CSTPP1: variants seen among roughly 807,000 people sequenced by gnomAD.
CSTPP1 encodes centriolar satellite-associated tubulin polyglutamylase complex regulator 1, also known as UPF0705 protein C11orf49.
At chr11:47,131,562 G>A in the CSTPP1 span, among the ~76,000 whole-genome samples, 7 of 152,198 alleles carry the variant, frequency 4.6e-5, no homozygotes, top group Non-Finnish European at 8.8e-5. Context: ...ACCAACAGAA[G>A]AATATTTTGA....
At chr11:47,155,064 GCTCT>G in the CSTPP1 span, 91 of 914,314 alleles carry the variant, frequency 1.0e-4, no homozygotes, top group African/African-American at 1.3e-3. Flanking sequence ...CCCAGGAACA[GCTCT>G]CTCTCTCCCT....
the CSTPP1 span, among the ~76,000 whole-genome samples, chr11:47,014,367 GA>G: frequency 1.6e-4 from 18 of 112,210 alleles, no homozygotes; most frequent in South Asian, 3.5e-4. Context: ...AAGGAAGAAA[GA>G]AAAAAAGAAA....
the CSTPP1 span, among the ~76,000 whole-genome samples, chr11:47,036,047 ATATATATAT>A: frequency 3.3e-4 from 4 of 12,178 alleles, 2 homozygotes; most frequent in African/African-American, 2.5e-3. Context: ...ATATATATAT[ATATATATAT>A]TATATATATA....
the CSTPP1 span, chr11:47,137,805 C>G: frequency 5.7e-4 from 817 of 1,440,452 alleles, 1 homozygote; most frequent in Admixed American, 7.8e-4. Context: ...GGAGTGTATA[C>G]AAATGAAAAA....
At chr11:47,087,198 CTAAT>C in the CSTPP1 span, among the ~76,000 whole-genome samples, 15 of 151,796 alleles carry the variant, frequency 9.9e-5, no homozygotes, top group Non-Finnish European at 1.9e-4. Context: ...TGATAGCAGG[CTAAT>C]TAAATTTGGG....
the CSTPP1 span, among the ~76,000 whole-genome samples, chr11:47,030,023 C>T: frequency 4.6e-5 from 7 of 151,766 alleles, no homozygotes; most frequent in East Asian, 1.9e-4. Context: ...GCTACACAGG[C>T]GGCTGAGGCA....
chr11:47,009,116 T>C, the CSTPP1 span, among the ~76,000 whole-genome samples: 6 of 152,050 alleles, frequency 3.9e-5, no homozygotes, highest in Non-Finnish European at 8.8e-5. Context: ...ACCCTACACA[T>C]TGGGAAAAGT....
At chr11:47,077,146 C>T in the CSTPP1 span, among the ~76,000 whole-genome samples, 5 of 149,114 alleles carry the variant, frequency 3.4e-5, no homozygotes, top group South Asian at 2.1e-4. Flanking sequence ...TATTTTCAAC[C>T]TAGAATTCTG....
the CSTPP1 span, among the ~76,000 whole-genome samples, chr11:47,141,243 C>T: frequency 2.6e-5 from 4 of 152,148 alleles, no homozygotes; most frequent in African/African-American, 9.7e-5. Context: ...ACCCCTTAGC[C>T]ATTACTCTTC....
chr11:47,009,574 A>G, the CSTPP1 span, among the ~76,000 whole-genome samples: 4 of 152,210 alleles, frequency 2.6e-5, no homozygotes, highest in African/African-American at 9.6e-5. Context: ...AGGCGGGAGC[A>G]TCAGCTGGGG....
At chr11:47,124,556 C>T in the CSTPP1 span, among the ~76,000 whole-genome samples, 2 of 152,076 alleles carry the variant, frequency 1.3e-5, no homozygotes, top group African/African-American at 4.8e-5. Flanking sequence ...TTAAAATATA[C>T]TTTACTTAGT....
chr11:46,963,999 T>G, the CSTPP1 span, among the ~76,000 whole-genome samples: 43 of 152,204 alleles, frequency 2.8e-4, no homozygotes, highest in South Asian at 8.7e-3. Context: ...CTATTATCCC[T>G]CAAAGAAAAA....
the CSTPP1 span, among the ~76,000 whole-genome samples, chr11:47,042,805 G>T: frequency 6.6e-6 from 1 of 152,144 alleles, no homozygotes; most frequent in Non-Finnish European, 1.5e-5. Flanking sequence ...GTCTATTAAA[G>T]AACTTTGTAG....
chr11:47,020,467 C>A, the CSTPP1 span, among the ~76,000 whole-genome samples: 1 of 151,976 alleles, frequency 6.6e-6, no homozygotes, highest in Admixed American at 6.6e-5. Flanking sequence ...CCTAATGGAA[C>A]AAGCAAGTGT....
At chr11:47,038,153 C>T in the CSTPP1 span, among the ~76,000 whole-genome samples, 2 of 66,948 alleles carry the variant, frequency 3.0e-5, no homozygotes, top group Admixed American at 1.8e-4. Flanking sequence ...GGGCGGGGGG[C>T]GGACCCCCCC....
chr11:46,940,377 A>G, the CSTPP1 span, among the ~76,000 whole-genome samples: 1 of 152,212 alleles, frequency 6.6e-6, no homozygotes, highest in Admixed American at 6.5e-5. Context: ...AAGTTCCACA[A>G]AGTGGAATTG....
At chr11:47,028,795 TAG>T in the CSTPP1 span, among the ~76,000 whole-genome samples, 1 of 152,196 alleles carries the variant, frequency 6.6e-6, no homozygotes, top group Non-Finnish European at 1.5e-5. Flanking sequence ...CAGGGATTGT[TAG>T]GTCAGGAGAC....
At chr11:47,121,124 C>T in the CSTPP1 span, among the ~76,000 whole-genome samples, 3 of 152,210 alleles carry the variant, frequency 2.0e-5, no homozygotes, top group South Asian at 2.1e-4. Context: ...GCCTTCAGGA[C>T]CCACTGAAAT....
At chr11:47,049,931 A>G in the CSTPP1 span, among the ~76,000 whole-genome samples, 1 of 152,172 alleles carries the variant, frequency 6.6e-6, no homozygotes, top group Non-Finnish European at 1.5e-5. Context: ...GGGAAAGAAG[A>G]ATGGATAATG....
Sources: gnomAD v4.1 joint callset for allele counts (sites outside exome capture counted in the v4.1 genomes callset) on GRCh38, gnomAD v4.1.1 for gene constraint, MANE v1.5 for transcripts, NCBI Gene and HGNC (gene_info 2026-07-23, HGNC 2026-07-21) for gene names.